SLC35F3: variants seen among roughly 807,000 people sequenced by gnomAD.
SLC35F3 encodes the protein putative thiamine transporter SLC35F3.
Under a neutral mutation model 49.9 loss-of-function variants are expected in SLC35F3, and 25 were observed. The ratio of observed to expected loss-of-function variants is 0.50; its 90% CI spans 0.37 to 0.70. SLC35F3 has a LOEUF of 0.70. Among genes scored for constraint, SLC35F3 ranks in the 30% least tolerant of loss-of-function variants. The pLI, the probability that SLC35F3 is intolerant of heterozygous loss-of-function variation, is 0.00. For missense variants in SLC35F3, 525 were observed against 639.8 expected (o/e 0.82, Z 1.94); for synonymous variants, 275 against 265.4 (o/e 1.04, Z -0.35).
intron 2 of SLC35F3, among the ~76,000 whole-genome samples, chr1:234,226,572 C>T (rs1475900430): frequency 2.0e-5 from 3 of 148,990 alleles, no homozygotes; most frequent in Non-Finnish European, 4.4e-5. Flanking sequence ...AAAAAAAGCA[C>T]CCAATTCATC....
At chr1:234,166,560 A>G (rs1666323786) in intron 2 of SLC35F3, among the ~76,000 whole-genome samples, 1 of 152,018 alleles carries the variant, frequency 6.6e-6, no homozygotes, top group African/African-American at 2.4e-5. Context: ...TGGGGCTTAG[A>G]CTCTAGGGGT....
chr1:234,307,922 T>C (rs1282926240), intron 3 of SLC35F3, among the ~76,000 whole-genome samples: 1 of 152,164 alleles, frequency 6.6e-6, no homozygotes, highest in African/African-American at 2.4e-5. Context: ...TCAGTGGCCT[T>C]TCTCCACACC....
At chr1:233,989,221 T>C (rs1039580341) in intron 2 of SLC35F3, among the ~76,000 whole-genome samples, 20 of 152,220 alleles carry the variant, frequency 1.3e-4, no homozygotes, top group African/African-American at 3.1e-4. Context: ...CCTTTGATAG[T>C]GCTCCAAGTT....
At chr1:234,006,794 A>G (rs2102835373) in intron 2 of SLC35F3, among the ~76,000 whole-genome samples, 1 of 152,272 alleles carries the variant, frequency 6.6e-6, no homozygotes, top group South Asian at 2.1e-4. Flanking sequence ...CTTTGCTTTT[A>G]TGCTGAATGA....
intron 2 of SLC35F3, among the ~76,000 whole-genome samples, chr1:234,062,771 C>T (rs1385677578): frequency 6.6e-6 from 1 of 151,754 alleles, no homozygotes; most frequent in Non-Finnish European, 1.5e-5. Context: ...GCTCTGCCCC[C>T]TGGGTTCATG....
intron 3 of SLC35F3, among the ~76,000 whole-genome samples, chr1:234,243,751 G>C (rs1667590491): frequency 6.6e-6 from 1 of 152,212 alleles, no homozygotes. Flanking sequence ...CTGAAGCCAA[G>C]ATCCCTGCTC....
At chr1:234,024,501 A>G (rs747457009) in intron 2 of SLC35F3, among the ~76,000 whole-genome samples, 13 of 152,182 alleles carry the variant, frequency 8.5e-5, no homozygotes, top group Non-Finnish European at 1.3e-4. Flanking sequence ...TCTTTCTTAC[A>G]GTTATGGAGG....
chr1:234,052,384 G>C (rs981757803), intron 2 of SLC35F3, among the ~76,000 whole-genome samples: 6 of 152,152 alleles, frequency 3.9e-5, no homozygotes, highest in African/African-American at 1.4e-4. Context: ...ATATGTCCAG[G>C]AATTTATCCA....
At chr1:233,916,516 C>G (rs1438518815) in intron 2 of SLC35F3, among the ~76,000 whole-genome samples, 1 of 152,230 alleles carries the variant, frequency 6.6e-6, no homozygotes, top group African/African-American at 2.4e-5. Flanking sequence ...AAGCAGTCCT[C>G]TCACTTTAGC....
chr1:234,118,222 G>C (rs575563820), intron 2 of SLC35F3, among the ~76,000 whole-genome samples: 3 of 152,024 alleles, frequency 2.0e-5, no homozygotes, highest in Non-Finnish European at 4.4e-5. Context: ...CTAAGTAACC[G>C]AATAGCATCC....
intron 2 of SLC35F3, among the ~76,000 whole-genome samples, chr1:233,996,076 A>T (rs1014017283): frequency 1.3e-5 from 2 of 152,144 alleles, no homozygotes; most frequent in Admixed American, 6.5e-5. Context: ...TTAATATTTT[A>T]TATATATACA....
chr1:234,192,042 G>A (rs781681663), intron 2 of SLC35F3, among the ~76,000 whole-genome samples: 9 of 152,122 alleles, frequency 5.9e-5, no homozygotes, highest in East Asian at 1.9e-4. Flanking sequence ...AGAAGAATTG[G>A]TACCAATCCT....
intron 2 of SLC35F3, among the ~76,000 whole-genome samples, chr1:233,922,341 G>C (rs552824462): frequency 1.3e-5 from 2 of 152,204 alleles, no homozygotes; most frequent in Non-Finnish European, 2.9e-5. Flanking sequence ...ATTCTAACTG[G>C]TGTGAGATGG....
chr1:234,260,098 G>T (rs1409833622), intron 3 of SLC35F3, among the ~76,000 whole-genome samples: 1 of 152,120 alleles, frequency 6.6e-6, no homozygotes, highest in Admixed American at 6.5e-5. Flanking sequence ...ATCTTTTGAA[G>T]CTTCCATCTA....
At chr1:233,996,314 G>A (rs1002642143) in intron 2 of SLC35F3, among the ~76,000 whole-genome samples, 6 of 152,170 alleles carry the variant, frequency 3.9e-5, no homozygotes, top group African/African-American at 1.4e-4. Flanking sequence ...GAGGATGTGT[G>A]TAGGTTATAT....
chr1:234,040,987 G>T (rs746855), intron 2 of SLC35F3, among the ~76,000 whole-genome samples: 37,482 of 151,824 alleles, frequency 0.25, 9,502 homozygotes, highest in African/African-American at 0.64. Context: ...CGTAAGACGT[G>T]TTATGATATG....
intron 2 of SLC35F3, among the ~76,000 whole-genome samples, chr1:233,980,097 A>C (rs569456013): frequency 1.3e-5 from 2 of 152,356 alleles, no homozygotes; most frequent in South Asian, 2.1e-4. Context: ...CTGCCTTTGC[A>C]ACCATTTCTT....
intron 3 of SLC35F3, among the ~76,000 whole-genome samples, chr1:234,239,310 A>G (rs1264078317): frequency 6.6e-6 from 1 of 152,206 alleles, no homozygotes; most frequent in African/African-American, 2.4e-5. Flanking sequence ...AAAAGTCACA[A>G]GTGTGTACGG....
chr1:234,299,248 A>G (rs1337959751), intron 3 of SLC35F3, among the ~76,000 whole-genome samples: 1 of 152,218 alleles, frequency 6.6e-6, no homozygotes, highest in Non-Finnish European at 1.5e-5. Flanking sequence ...CACCAAGGCA[A>G]AGACTTTAGT....
Sources: allele counts gnomAD v4.1 joint callset (sites outside exome capture counted in the v4.1 genomes callset), GRCh38; gene constraint gnomAD v4.1.1; transcripts MANE v1.5; gene names NCBI Gene and HGNC (gene_info 2026-07-23, HGNC 2026-07-21).